Variants in DNAJC10 observed in about 807,000 individuals in gnomAD.
DNAJC10 encodes the protein endoplasmic reticulum disulfide reductase DNAJC10.
In DNAJC10, 101 loss-of-function variants were observed where a neutral mutation model predicts 115.0. The ratio of observed to expected loss-of-function variants is 0.88; its 90% CI spans 0.75 to 1.04. DNAJC10 has a LOEUF of 1.04. Among genes scored for constraint, DNAJC10 ranks in the 50% least tolerant of loss-of-function variants. DNAJC10 has a pLI of 0.00. For missense variants in DNAJC10, 981 were observed against 928.8 expected, an observed-to-expected ratio of 1.06 and a Z score of -0.73; for synonymous variants, 307 against 301.5, an observed-to-expected ratio of 1.02 and a Z score of -0.19.
rs112473306 is a variant in DNAJC10 at position 182,777,950 on chromosome 2, G to A, written c.*818G>A. 1.3e-5 allele frequency: 2 copies of A among 152,026 alleles called. No homozygotes were observed. The highest frequency in any genetic ancestry group is 2.9e-5 in the Non-Finnish European group (2 of 67,992). The allele number at this position is 152,026 out of a possible 1,614,324, so 9.4% of individuals were successfully genotyped here. A position where few individuals can be genotyped will look rare whatever the true frequency, so the allele number is the denominator to read the frequency against. ...GAAAAAAATTATAGCAATTAACTGGGCATTGTAGAGTATCCTAAATATGTT... is the reference window on the plus strand; with the variant it reads ...GAAAAAAATTATAGCAATTAACTGGACATTGTAGAGTATCCTAAATATGTT... On this transcript the variant is annotated 3_prime_UTR_variant, in exon 24 of 24. Transcript: ENST00000264065.
intron 2 of DNAJC10, among the ~76,000 whole-genome samples, chr2:182,717,621 G>A (rs974127995): frequency 9.9e-5 from 15 of 152,194 alleles, no homozygotes; most frequent in African/African-American, 2.9e-4. Flanking sequence ...CGCTATAACT[G>A]GGTAGAAAGA....
At chr2:182,775,758 G>A (rs1694690205) in intron 23 of DNAJC10, among the ~76,000 whole-genome samples, 2 of 152,166 alleles carry the variant, frequency 1.3e-5, no homozygotes, top group African/African-American at 4.8e-5. Flanking sequence ...TGTATCCATT[G>A]AATAGAATAT....
rs1694892744 is a variant in DNAJC10, at chr2:182,783,532, A to C, written c.*6400A>C. ...ATTTAGGAAAAATCATTTATTTACAAAACATCTTCCCTTTCTTATCATGAA... is the reference window on the plus strand; with the variant it reads ...ATTTAGGAAAAATCATTTATTTACACAACATCTTCCCTTTCTTATCATGAA... On this transcript the variant is annotated 3_prime_UTR_variant, in exon 24 of 24. Transcript: ENST00000264065. 1 of 152,208 alleles carries C rather than the reference A, an allele frequency of 6.6e-6. No individual in the cohort carries two copies. Among genetic ancestry groups the C allele is most frequent in the Non-Finnish European group, 1.5e-5 (1 of 68,032 alleles). 9.4% of individuals were successfully genotyped at this position (152,208 alleles called of 1,614,324 possible). A position where few individuals can be genotyped will look rare whatever the true frequency, so the allele number is the denominator to read the frequency against.
chr2:182,757,247 T>G (rs1391450174), intron 18 of DNAJC10, among the ~76,000 whole-genome samples: 1 of 152,190 alleles, frequency 6.6e-6, no homozygotes, highest in Non-Finnish European at 1.5e-5. Context: ...TGAGTTAAAG[T>G]GATTTCTAGT....
At chr2:182,736,443 T>G (rs942938227) in intron 11 of DNAJC10, 57 bp downstream of exon 11, 15 of 1,259,690 alleles carry the variant, frequency 1.2e-5, no homozygotes, top group Admixed American at 9.1e-5. Context: ...CCCTCAAAAA[T>G]AATACATTAT....
At position 182,785,350 on chromosome 2, in the gene DNAJC10, G is replaced by C. The variant is rs1183777039; in HGVS notation, c.*8218G>C. Reference sequence around the variant, plus strand: ...TTTCTGGGGCTTTTAGTACTCCTTTGTGAAATAAGACACATAGTCTTCAGG... The same window carrying C: ...TTTCTGGGGCTTTTAGTACTCCTTTCTGAAATAAGACACATAGTCTTCAGG... On this transcript the variant is annotated 3_prime_UTR_variant, in exon 24 of 24. Coordinates refer to ENST00000264065, the MANE Select transcript of DNAJC10 (RefSeq NM_018981.4). The C allele has an allele frequency of 6.6e-6, 1 of 151,516 alleles. No individual in the cohort carries two copies. The highest frequency in any genetic ancestry group is 1.5e-5 in the Non-Finnish European group (1 of 67,892). The allele number at this position is 151,516 out of a possible 1,614,324, so 9.4% of individuals were successfully genotyped here. A position where few individuals can be genotyped will look rare whatever the true frequency, so the allele number is the denominator to read the frequency against.
At chr2:182,776,459 C>CT (rs1559030334) in intron 23 of DNAJC10, among the ~76,000 whole-genome samples, 2 of 152,196 alleles carry the variant, frequency 1.3e-5, no homozygotes, top group East Asian at 3.9e-4. Flanking sequence ...TGTTGTAGTG[C>CT]TTTTAAAATG....
intron 9 of DNAJC10, 60 bp from the exon 10 acceptor site, chr2:182,732,439 A>T: frequency 6.6e-7 from 1 of 1,522,506 alleles, no homozygotes; most frequent in Non-Finnish European, 9.1e-7. Flanking sequence ...AGGCAAATGC[A>T]AGTATTTTCA....
chr2:182,747,655 T>C (rs1396609136), intron 14 of DNAJC10, among the ~76,000 whole-genome samples: 3 of 151,998 alleles, frequency 2.0e-5, no homozygotes, highest in South Asian at 2.1e-4. Context: ...TTTCTAGATA[T>C]ACAATCATGT....
chr2:182,784,593 C>G lies in DNAJC10; in HGVS notation c.*7461C>G, dbSNP rs922222100. On this transcript the variant is annotated 3_prime_UTR_variant, in exon 24 of 24. Coordinates refer to ENST00000264065, the MANE Select transcript of DNAJC10 (RefSeq NM_018981.4). ...GCTCTACTGTGATAAGAATTTCTGA[C>G]TAGAAATTATAAATTCATTGTTTTA... 6.6e-6 allele frequency: 1 copy of G among 152,184 alleles called. No homozygotes were observed. Among genetic ancestry groups the G allele is most frequent in the East Asian group, 1.9e-4 (1 of 5,182 alleles). 9.4% of individuals were successfully genotyped at this position (152,184 alleles called of 1,614,324 possible). A position where few individuals can be genotyped will look rare whatever the true frequency, so the allele number is the denominator to read the frequency against.
At chr2:182,761,254 G>T (rs1175194275) in intron 21 of DNAJC10, among the ~76,000 whole-genome samples, 1 of 152,160 alleles carries the variant, frequency 6.6e-6, no homozygotes. Flanking sequence ...GCCAGAGAAG[G>T]ATGTTTAGAG....
Position 182,777,976 on chromosome 2 carries a change from A to T in DNAJC10, c.*844A>T, listed in dbSNP as rs1201976136. On this transcript the variant is annotated 3_prime_UTR_variant, in exon 24 of 24. Coordinates refer to ENST00000264065, the MANE Select transcript of DNAJC10 (RefSeq NM_018981.4). Reference sequence around the variant, plus strand: ...CATTGTAGAGTATCCTAAATATGTTATCAAGTATTTAGAGTTCTATATTTT... The same window carrying T: ...CATTGTAGAGTATCCTAAATATGTTTTCAAGTATTTAGAGTTCTATATTTT... The T allele has an allele frequency of 1.3e-5, 2 of 152,206 alleles. No individual in the cohort carries two copies. Among genetic ancestry groups the T allele is most frequent in the African/African-American group, 4.8e-5 (2 of 41,460 alleles). 9.4% of individuals were successfully genotyped at this position (152,206 alleles called of 1,614,324 possible).
At chr2:182,735,156 T>A (rs1223418803) in intron 10 of DNAJC10, among the ~76,000 whole-genome samples, 1 of 151,848 alleles carries the variant, frequency 6.6e-6, no homozygotes, top group African/African-American at 2.4e-5. Flanking sequence ...AAAATTTCAT[T>A]TCCCATCTCT....
rs1377830412 is a variant in DNAJC10, at chr2:182,791,860, G to T, written c.*14728G>T. On this transcript the variant is annotated 3_prime_UTR_variant, in exon 24 of 24. Coordinates refer to ENST00000264065, the MANE Select transcript of DNAJC10 (RefSeq NM_018981.4). Reference sequence around the variant, plus strand: ...AAATAGATACTAAAAAATCTAAATTGCATCTTACATTTCAACAATGGATGT... The same window carrying T: ...AAATAGATACTAAAAAATCTAAATTTCATCTTACATTTCAACAATGGATGT... The T allele has an allele frequency of 6.6e-6, 1 of 152,100 alleles. No homozygotes were observed. Among genetic ancestry groups the T allele is most frequent in the African/African-American group, 2.4e-5 (1 of 41,424 alleles). 9.4% of individuals were successfully genotyped at this position (152,100 alleles called of 1,614,324 possible). A position where few individuals can be genotyped will look rare whatever the true frequency, so the allele number is the denominator to read the frequency against.
Position 182,787,755 on chromosome 2 carries a change from A to G in DNAJC10, c.*10623A>G, listed in dbSNP as rs994652395. The G allele has an allele frequency of 3.3e-5, 5 of 152,010 alleles. No homozygotes were observed. Among genetic ancestry groups the G allele is most frequent in the African/African-American group, 1.2e-4 (5 of 41,352 alleles). 9.4% of individuals were successfully genotyped at this position (152,010 alleles called of 1,614,324 possible). A position where few individuals can be genotyped will look rare whatever the true frequency, so the allele number is the denominator to read the frequency against. On this transcript the variant is annotated 3_prime_UTR_variant, in exon 24 of 24. Transcript: ENST00000264065. The stretch of plus-strand genomic sequence containing the variant: ...GACAACCTGGTGAAACCTCCTCTCT[A>G]CAAGAAAATTCAAAAATTAGCCAGG...
At position 182,759,171 on chromosome 2, in the gene DNAJC10, A is replaced by G. The variant is rs779793757; in HGVS notation, c.2009A>G (p.Gln670Arg). The change falls in exon 21 of 24, where the codon CAA becomes CGA. Residue 670 changes from glutamine to arginine, a missense_variant. Physicochemically the swap from Gln to Arg is conservative, Grantham distance 43. Coordinates refer to ENST00000264065, the MANE Select transcript of DNAJC10 (RefSeq NM_018981.4). ...LRIWGLGFLP[Q>R]VSTDLTPQTF... is the part of the protein sequence containing the mutation. ...ATCATTTGCCACAGATTTTTACCTCAAGTATCCACAGATCTAACACCTCAG... is the reference window on the plus strand; with the variant it reads ...ATCATTTGCCACAGATTTTTACCTCGAGTATCCACAGATCTAACACCTCAG... 2 of 1,577,752 alleles carry G rather than the reference A, an allele frequency of 1.3e-6. No individual in the cohort carries two copies. The highest frequency in any genetic ancestry group is 2.4e-5 in the South Asian group (2 of 84,708).
intron 22 of DNAJC10, among the ~76,000 whole-genome samples, chr2:182,765,818 T>C (rs1694397279): frequency 6.6e-6 from 1 of 152,248 alleles, no homozygotes; most frequent in African/African-American, 2.4e-5. Flanking sequence ...TTGTATGTGC[T>C]AAAGTTGCAA....
chr2:182,751,208 C>T (rs909329432), intron 14 of DNAJC10, among the ~76,000 whole-genome samples: 3 of 134,770 alleles, frequency 2.2e-5, no homozygotes, highest in South Asian at 2.4e-4. Flanking sequence ...GATCACTGCT[C>T]ACTGCAACCT....
chr2:182,754,986 A>G lies in DNAJC10; in HGVS notation c.1552-17A>G. 6.6e-7 allele frequency: 1 copy of G among 1,513,736 alleles called. No homozygotes were observed. The highest frequency in any genetic ancestry group is 9.2e-7 in the Non-Finnish European group (1 of 1,091,890). The allele number at this position is 1,513,736 out of a possible 1,614,324, so 93.8% of individuals were successfully genotyped here. A position where few individuals can be genotyped will look rare whatever the true frequency, so the allele number is the denominator to read the frequency against. On this transcript the variant is annotated splice_polypyrimidine_tract_variant and intron_variant, in intron 16 of 23. Transcript: ENST00000264065. ...GAAATCTATAAAATCTTTAATTCAT[A>G]TTCTCCTTCCTATCAGTATAACATT...
Sources: allele counts gnomAD v4.1 joint callset (sites outside exome capture counted in the v4.1 genomes callset), GRCh38; gene constraint gnomAD v4.1.1; transcripts MANE v1.5; gene names NCBI Gene and HGNC (gene_info 2026-07-23, HGNC 2026-07-21).